Variants in GNAQ observed in about 807,000 individuals in gnomAD.
The protein encoded by GNAQ is G protein subunit alpha q.
Under a neutral mutation model 43.9 loss-of-function variants are expected in GNAQ, and 8 were observed. The observed-to-expected ratio is 0.18, with a 90% CI of 0.11 to 0.33. GNAQ has a LOEUF of 0.33. Among genes scored for constraint, GNAQ ranks in the 10% least tolerant of loss-of-function variants. GNAQ has a pLI of 1.00. For synonymous variants in GNAQ, 155 were observed against 170.7 expected, an observed-to-expected ratio of 0.91 and a Z score of 0.71; for missense variants, 158 against 450.8, an observed-to-expected ratio of 0.35 and a Z score of 5.88.
intron 3 of GNAQ, among the ~76,000 whole-genome samples, chr9:77,812,792 G>A (rs1372160934): frequency 6.6e-6 from 1 of 152,056 alleles, no homozygotes; most frequent in Non-Finnish European, 1.5e-5. Context: ...AAGGATGTAA[G>A]TACATGTTGT....
At chr9:77,764,252 T>C (rs2118349858) in intron 5 of GNAQ, among the ~76,000 whole-genome samples, 1 of 152,276 alleles carries the variant, frequency 6.6e-6, no homozygotes, top group East Asian at 1.9e-4. Context: ...AATCTCTTAA[T>C]TTAAAGATAA....
intron 5 of GNAQ, among the ~76,000 whole-genome samples, chr9:77,739,481 G>T (rs557990032): frequency 3.0e-4 from 45 of 152,190 alleles, no homozygotes; most frequent in African/African-American, 1.1e-3. Flanking sequence ...TTGTCATTTT[G>T]AATTTTGAGT....
At chr9:77,819,544 A>G (rs1050418460) in intron 2 of GNAQ, among the ~76,000 whole-genome samples, 1 of 152,098 alleles carries the variant, frequency 6.6e-6, no homozygotes, top group Non-Finnish European at 1.5e-5. Context: ...CCAAATGGTA[A>G]CTTCCACATT....
chr9:77,866,371 G>A (rs1238418079), intron 2 of GNAQ, among the ~76,000 whole-genome samples: 1 of 152,158 alleles, frequency 6.6e-6, no homozygotes, highest in African/African-American at 2.4e-5. Flanking sequence ...CAGCTACTTG[G>A]GAGGCTGAGG....
At chr9:77,757,462 T>A (rs536613018) in intron 5 of GNAQ, among the ~76,000 whole-genome samples, 21 of 152,206 alleles carry the variant, frequency 1.4e-4, no homozygotes, top group Non-Finnish European at 2.2e-4. Context: ...TCTCCCCTCC[T>A]TCTTCCCCCT....
At chr9:77,877,880 C>T (rs1311087835) in intron 2 of GNAQ, among the ~76,000 whole-genome samples, 1 of 152,162 alleles carries the variant, frequency 6.6e-6, no homozygotes, top group Non-Finnish European at 1.5e-5. Context: ...TTTGCCCCAA[C>T]TACTCCCATT....
intron 1 of GNAQ, among the ~76,000 whole-genome samples, chr9:77,939,094 T>C (rs1564157674): frequency 6.6e-6 from 1 of 152,196 alleles, no homozygotes; most frequent in East Asian, 1.9e-4. Flanking sequence ...ATCAAGTTTA[T>C]CCCACCTTCC....
intron 6 of GNAQ, among the ~76,000 whole-genome samples, chr9:77,722,440 A>C (rs907865025): frequency 6.6e-6 from 1 of 151,826 alleles, no homozygotes; most frequent in Non-Finnish European, 1.5e-5. Flanking sequence ...CCCAACCTAT[A>C]TTTTCTTACA....
chr9:77,864,629 G>C (rs1342939641), intron 2 of GNAQ, among the ~76,000 whole-genome samples: 1 of 152,272 alleles, frequency 6.6e-6, no homozygotes, highest in East Asian at 1.9e-4. Context: ...GAAAAGACAA[G>C]AAAACGGACA....
intron 2 of GNAQ, among the ~76,000 whole-genome samples, chr9:77,827,283 G>C (rs1427138289): frequency 6.7e-6 from 1 of 149,892 alleles, no homozygotes; most frequent in East Asian, 2.0e-4. Context: ...ATCCACGCAT[G>C]CTCTTCTGCT....
At chr9:77,833,256 C>T (rs532952520) in intron 2 of GNAQ, among the ~76,000 whole-genome samples, 2 of 152,204 alleles carry the variant, frequency 1.3e-5, no homozygotes, top group Non-Finnish European at 2.9e-5. Context: ...GCGTGAGCCA[C>T]CCCGCACCTG....
chr9:77,741,302 T>C (rs1230544169), intron 5 of GNAQ, among the ~76,000 whole-genome samples: 1 of 152,252 alleles, frequency 6.6e-6, no homozygotes, highest in Non-Finnish European at 1.5e-5. Context: ...ATTCCAATTT[T>C]ATATGTTTTA....
chr9:77,792,551 T>A (rs1480919738), intron 5 of GNAQ, among the ~76,000 whole-genome samples: 1 of 152,168 alleles, frequency 6.6e-6, no homozygotes, highest in Non-Finnish European at 1.5e-5. Context: ...AATGTTCAGA[T>A]AACTGAAGAA....
intron 5 of GNAQ, among the ~76,000 whole-genome samples, chr9:77,786,233 C>T (rs1473982678): frequency 6.6e-6 from 1 of 151,684 alleles, no homozygotes; most frequent in Non-Finnish European, 1.5e-5. Flanking sequence ...AAAAAATTAG[C>T]TGGGCGTGGT....
intron 2 of GNAQ, among the ~76,000 whole-genome samples, chr9:77,849,447 C>T (rs1336301945): frequency 6.6e-6 from 1 of 152,044 alleles, no homozygotes; most frequent in Non-Finnish European, 1.5e-5. Flanking sequence ...GTGGGGTCTA[C>T]AACTAGAATG....
chr9:77,830,584 G>C (rs1827283308), intron 2 of GNAQ, among the ~76,000 whole-genome samples: 1 of 152,198 alleles, frequency 6.6e-6, no homozygotes, highest in Non-Finnish European at 1.5e-5. Flanking sequence ...TTTACAAAAT[G>C]TTAGTCTTCC....
At chr9:77,910,336 A>C (rs1828779276) in intron 2 of GNAQ, among the ~76,000 whole-genome samples, 2 of 152,232 alleles carry the variant, frequency 1.3e-5, no homozygotes, top group South Asian at 4.1e-4. Context: ...CTAACTGAAA[A>C]TAGATGCATT....
chr9:77,802,081 C>T (rs1411489399), intron 3 of GNAQ, among the ~76,000 whole-genome samples: 4 of 152,076 alleles, frequency 2.6e-5, no homozygotes, highest in African/African-American at 4.8e-5. Context: ...GCATGAGAAT[C>T]GCTTGAACCT....
intron 5 of GNAQ, among the ~76,000 whole-genome samples, chr9:77,732,321 T>C (rs1825506323): frequency 6.6e-6 from 1 of 152,090 alleles, no homozygotes; most frequent in Non-Finnish European, 1.5e-5. Flanking sequence ...TTTTGGGGTT[T>C]TGACCAGTTG....
Sources: allele counts gnomAD v4.1 joint callset (sites outside exome capture counted in the v4.1 genomes callset), GRCh38; gene constraint gnomAD v4.1.1; transcripts MANE v1.5; gene names NCBI Gene and HGNC (gene_info 2026-07-23, HGNC 2026-07-21).